Variants in PTGER3 observed in about 807,000 individuals in gnomAD.
PTGER3 encodes prostaglandin E receptor 3, also known as prostaglandin E2 receptor EP3 subtype.
PTGER3 carries 22 observed loss-of-function variants against 34.7 expected under a neutral mutation model. The ratio of observed to expected loss-of-function variants is 0.63; its 90% CI spans 0.45 to 0.91. The LOEUF is 0.91. Among genes scored for constraint, PTGER3 ranks in the 40% least tolerant of loss-of-function variants. The pLI is 0.00. For synonymous variants in PTGER3, 241 were observed against 230.1 expected (o/e 1.05, Z -0.43); for missense variants, 468 against 519.4 (o/e 0.90, Z 0.96).
chr1:70,878,042 C>A (rs1182581762), intron 4 of PTGER3, among the ~76,000 whole-genome samples: 2 of 152,034 alleles, frequency 1.3e-5, no homozygotes, highest in Non-Finnish European at 2.9e-5. Flanking sequence ...TCATTACAAA[C>A]CTATGGATGT....
chr1:71,038,661 A>T (rs1342286386), intron 1 of PTGER3, among the ~76,000 whole-genome samples: 1 of 152,226 alleles, frequency 6.6e-6, no homozygotes, highest in Non-Finnish European at 1.5e-5. Flanking sequence ...GAATATCTGG[A>T]AAGGCCACTG....
chr1:71,008,310 T>G (rs563736034), intron 2 of PTGER3: 6 of 872,930 alleles, frequency 6.9e-6, no homozygotes, highest in Non-Finnish European at 8.2e-6. Flanking sequence ...TAAATAAATA[T>G]AATACATATC....
intron 4 of PTGER3, among the ~76,000 whole-genome samples, chr1:70,853,724 T>TGATCA (rs1396906987): frequency 6.6e-6 from 1 of 152,182 alleles, no homozygotes; most frequent in African/African-American, 2.4e-5. Flanking sequence ...ATAGGTTAAG[T>TGATCA]GATCCCAAGT....
chr1:71,025,791 C>T (rs1445476875), intron 1 of PTGER3, among the ~76,000 whole-genome samples: 1 of 152,172 alleles, frequency 6.6e-6, no homozygotes, highest in Non-Finnish European at 1.5e-5. Flanking sequence ...AACTTTTTCC[C>T]TTCACAAGAG....
chr1:71,040,723 C>T (rs186503225), intron 1 of PTGER3, among the ~76,000 whole-genome samples: 1 of 152,220 alleles, frequency 6.6e-6, no homozygotes, highest in East Asian at 1.9e-4. Context: ...TGTACTTGAC[C>T]TTAGCAGAAC....
chr1:71,010,462 G>T (rs1034151812), intron 2 of PTGER3: 6 of 982,796 alleles, frequency 6.1e-6, no homozygotes, highest in African/African-American at 1.8e-5. Context: ...TATATTCCAG[G>T]TGCTATACTA....
At chr1:71,008,167 G>C in intron 2 of PTGER3, 1 of 959,072 alleles carries the variant, frequency 1.0e-6, no homozygotes, top group African/African-American at 1.8e-5. Flanking sequence ...GGGACTAGGA[G>C]AAAACAGTGT....
At chr1:70,934,792 G>T (rs1649049043) in intron 4 of PTGER3, among the ~76,000 whole-genome samples, 1 of 152,074 alleles carries the variant, frequency 6.6e-6, no homozygotes, top group South Asian at 2.1e-4. Context: ...CTAAAACACT[G>T]TCCAGATCAC....
In PTGER3 at chr1:71,010,587, T is replaced by C. The variant is rs1477531072; in HGVS notation, c.1077+1718A>G. 5 of 984,766 alleles carry C rather than the reference T, an allele frequency of 5.1e-6. No homozygotes were observed. The East Asian group carries it at 4.5e-4, about 89-fold the overall frequency. 61.0% of individuals were successfully genotyped at this position (984,766 alleles called of 1,614,324 possible). On this transcript the variant is annotated intron_variant, in intron 2 of 3. Coordinates refer to ENST00000306666, the MANE Select transcript of PTGER3 (RefSeq NM_198719.2). ...CCAACCAAGAGGTAAAGCCTCTTTATTATGTGATTTCAGTGCACTTTTGAA... is the reference window on the plus strand; with the variant it reads ...CCAACCAAGAGGTAAAGCCTCTTTACTATGTGATTTCAGTGCACTTTTGAA...
At chr1:70,923,485 G>A (rs1472065393) in intron 4 of PTGER3, among the ~76,000 whole-genome samples, 1 of 152,054 alleles carries the variant, frequency 6.6e-6, no homozygotes, top group Non-Finnish European at 1.5e-5. Context: ...ATTCTAACAG[G>A]TGTTCTTAAA....
intron 4 of PTGER3, among the ~76,000 whole-genome samples, chr1:70,870,304 C>T (rs1314252583): frequency 6.6e-6 from 1 of 152,206 alleles, no homozygotes; most frequent in Admixed American, 6.5e-5. Context: ...GAGCCCTGGG[C>T]CTGGCCCACA....
intron 4 of PTGER3, among the ~76,000 whole-genome samples, chr1:70,933,110 T>C (rs933785578): frequency 1.3e-5 from 2 of 152,180 alleles, no homozygotes; most frequent in African/African-American, 4.8e-5. Context: ...CAAAGCTGTG[T>C]CTTCTCTGTA....
intron 2 of PTGER3, chr1:71,010,582 C>T (rs907489735): frequency 1.0e-5 from 10 of 984,540 alleles, no homozygotes; most frequent in Admixed American, 6.2e-5. Flanking sequence ...GGTAAAGCCT[C>T]TTTATTATGT....
intron 2 of PTGER3, among the ~76,000 whole-genome samples, chr1:70,957,580 A>G (rs1405873402): frequency 1.3e-5 from 2 of 152,146 alleles, no homozygotes; most frequent in African/African-American, 4.8e-5. Context: ...TATAATTGAC[A>G]CAATAATATT....
chr1:71,029,386 C>T (rs950657573), intron 1 of PTGER3, among the ~76,000 whole-genome samples: 1 of 152,154 alleles, frequency 6.6e-6, no homozygotes, highest in Non-Finnish European at 1.5e-5. Context: ...CTGGATTTGA[C>T]CCCAAGAAAG....
chr1:70,927,205 T>C (rs1465048468), intron 4 of PTGER3, among the ~76,000 whole-genome samples: 1 of 152,190 alleles, frequency 6.6e-6, no homozygotes, highest in Non-Finnish European at 1.5e-5. Context: ...TAAAATGAGT[T>C]AAGGAGGATT....
intron 4 of PTGER3, among the ~76,000 whole-genome samples, chr1:70,942,452 A>G (rs1380779692): frequency 6.6e-6 from 1 of 152,150 alleles, no homozygotes; most frequent in Non-Finnish European, 1.5e-5. Flanking sequence ...CCAATTTTCA[A>G]TTCCTCATTT....
At chr1:71,004,922 T>C (rs1450498387) in intron 2 of PTGER3, among the ~76,000 whole-genome samples, 1 of 152,210 alleles carries the variant, frequency 6.6e-6, no homozygotes, top group Non-Finnish European at 1.5e-5. Flanking sequence ...ACAGTGCCTA[T>C]GTGGACCAAG....
chr1:70,888,480 A>G (rs571359120), intron 4 of PTGER3, among the ~76,000 whole-genome samples: 8 of 152,122 alleles, frequency 5.3e-5, no homozygotes, highest in African/African-American at 1.2e-4. Context: ...TAATGTATCT[A>G]TCATTTCACA....
Sources: allele counts gnomAD v4.1 joint callset (sites outside exome capture counted in the v4.1 genomes callset), GRCh38; gene constraint gnomAD v4.1.1; transcripts MANE v1.5; gene names NCBI Gene and HGNC (gene_info 2026-07-23, HGNC 2026-07-21).